RBFOX1: variants seen among roughly 807,000 people sequenced by gnomAD.
RBFOX1 encodes RNA binding protein fox-1 homolog 1.
Under a neutral mutation model 57.7 loss-of-function variants are expected in RBFOX1, and 8 were observed. The ratio of observed to expected loss-of-function variants is 0.14; its 90% CI spans 0.08 to 0.25. The LOEUF (loss-of-function observed/expected upper bound fraction) is 0.25. Ranked by LOEUF, RBFOX1 falls within the 10% of genes least tolerant of loss-of-function variation. The pLI, the probability that RBFOX1 is intolerant of heterozygous loss-of-function variation, is 1.00. For synonymous variants in RBFOX1, 326 were observed against 222.4 expected (o/e 1.47, Z -4.15); for missense variants, 611 against 548.5 (o/e 1.11, Z -1.14).
At chr16:7,161,546 C>G (rs982098283) in intron 4 of RBFOX1, among the ~76,000 whole-genome samples, 1 of 152,128 alleles carries the variant, frequency 6.6e-6, no homozygotes, top group Non-Finnish European at 1.5e-5. Context: ...AAGAGAGGTA[C>G]ATGTCAGTGA....
At chr16:7,316,855 G>A (rs1178270188) in intron 4 of RBFOX1, among the ~76,000 whole-genome samples, 1 of 151,848 alleles carries the variant, frequency 6.6e-6, no homozygotes, top group Non-Finnish European at 1.5e-5. Context: ...AAGGGACCAG[G>A]GAGCCAGTGA....
chr16:6,012,124 T>C (rs2094964770), intron 4 of RBFOX1, among the ~76,000 whole-genome samples: 1 of 152,212 alleles, frequency 6.6e-6, no homozygotes, highest in Admixed American at 6.5e-5. Flanking sequence ...AGAAGAATCA[T>C]CACTGAGCTG....
At chr16:7,333,315 C>G (rs565783593) in intron 4 of RBFOX1, among the ~76,000 whole-genome samples, 2 of 152,172 alleles carry the variant, frequency 1.3e-5, no homozygotes, top group Non-Finnish European at 2.9e-5. Context: ...TTGTATTGAT[C>G]TGACTGCTAT....
At chr16:5,331,830 G>T (rs2064765307) in intron 1 of RBFOX1, among the ~76,000 whole-genome samples, 1 of 152,224 alleles carries the variant, frequency 6.6e-6, no homozygotes, top group Non-Finnish European at 1.5e-5. Context: ...TTGACTCATG[G>T]CTGGTGACCA....
At chr16:7,586,743 T>C (rs1420846403) in intron 6 of RBFOX1, among the ~76,000 whole-genome samples, 2 of 152,246 alleles carry the variant, frequency 1.3e-5, no homozygotes, top group Non-Finnish European at 2.9e-5. Context: ...TGATAGTGCC[T>C]AGATAGTGGA....
chr16:6,859,860 C>G (rs1050087911), intron 3 of RBFOX1, among the ~76,000 whole-genome samples: 3 of 152,136 alleles, frequency 2.0e-5, no homozygotes, highest in Non-Finnish European at 4.4e-5. Context: ...GTATTCAGAG[C>G]TTGCTTTTCC....
chr16:6,454,705 C>A (rs537554194), intron 2 of RBFOX1, among the ~76,000 whole-genome samples: 2 of 152,030 alleles, frequency 1.3e-5, no homozygotes, highest in Non-Finnish European at 2.9e-5. Context: ...GATAGAGTGA[C>A]CTTAGGAAAA....
At chr16:6,220,443 C>T (rs915914977) in intron 1 of RBFOX1, among the ~76,000 whole-genome samples, 2 of 152,166 alleles carry the variant, frequency 1.3e-5, no homozygotes, top group Non-Finnish European at 2.9e-5. Context: ...AGGAATTATA[C>T]TTGGTAATAG....
intron 3 of RBFOX1, among the ~76,000 whole-genome samples, chr16:6,875,919 G>T (rs945101589): frequency 3.5e-4 from 54 of 152,278 alleles, no homozygotes; most frequent in African/African-American, 1.3e-3. Flanking sequence ...GATCACTTGA[G>T]CCGGGGAGGT....
chr16:7,643,680 C>T (rs2063229838), intron 11 of RBFOX1, among the ~76,000 whole-genome samples: 1 of 152,184 alleles, frequency 6.6e-6, no homozygotes, highest in South Asian at 2.1e-4. Flanking sequence ...ACCTCCCCCT[C>T]ACATCGAGAT....
At position 5,248,424 on chromosome 16, in the gene RBFOX1, A is replaced by G. The variant is rs533885010; in HGVS notation, c.219+8319A>G. On this transcript the variant is annotated intron_variant, in intron 1 of 2. Transcript: ENST00000585867. ...CCAGCCCAGATCCCCAGGGCCTCTG[A>G]GAGCCCTGTATTCTGGGGGCAGCCT... 9.7e-4 allele frequency among the ~76,000 whole-genome samples: 148 copies of G among 152,348 alleles called. 2 individuals are homozygous for G. The highest frequency in any genetic ancestry group is 3.4e-3 in the African/African-American group (141 of 41,584).
chr16:5,968,545 A>G (rs928690632), intron 4 of RBFOX1, among the ~76,000 whole-genome samples: 3 of 152,130 alleles, frequency 2.0e-5, no homozygotes, highest in Non-Finnish European at 1.5e-5. Context: ...CTTCAGGCCT[A>G]CAGTGATTCT....
At chr16:5,480,474 T>G (rs2069494470) in intron 2 of RBFOX1, among the ~76,000 whole-genome samples, 1 of 152,164 alleles carries the variant, frequency 6.6e-6, no homozygotes, top group Non-Finnish European at 1.5e-5. Flanking sequence ...ATGAACTCAC[T>G]ACCATAATAA....
chr16:6,742,239 G>A (rs991544066), intron 3 of RBFOX1, among the ~76,000 whole-genome samples: 13 of 151,986 alleles, frequency 8.6e-5, no homozygotes, highest in South Asian at 6.2e-4. Flanking sequence ...GAAAGAATTC[G>A]GCATTACTAG....
At chr16:5,526,352 A>G (rs976828280) in intron 2 of RBFOX1, among the ~76,000 whole-genome samples, 3 of 152,122 alleles carry the variant, frequency 2.0e-5, no homozygotes, top group Non-Finnish European at 2.9e-5. Flanking sequence ...GCAATGGCAC[A>G]ATCTCATCTC....
At chr16:6,413,602 GAGAA>G (rs2093535524) in intron 2 of RBFOX1, among the ~76,000 whole-genome samples, 2 of 152,152 alleles carry the variant, frequency 1.3e-5, no homozygotes, top group African/African-American at 4.8e-5. Flanking sequence ...ACAATTGACA[GAGAA>G]AGAAAGAAAG....
chr16:5,852,534 C>T (rs2056922574), intron 3 of RBFOX1, among the ~76,000 whole-genome samples: 1 of 152,124 alleles, frequency 6.6e-6, no homozygotes, highest in Admixed American at 6.5e-5. Flanking sequence ...GGATGGAGGT[C>T]AATGCATAAC....
intron 2 of RBFOX1, among the ~76,000 whole-genome samples, chr16:6,547,751 G>C (rs777972410): frequency 3.3e-5 from 5 of 151,902 alleles, no homozygotes; most frequent in African/African-American, 4.8e-5. Flanking sequence ...TTTAGACCAG[G>C]GGTCCTTCCT....
chr16:6,787,569 C>T (rs765573520), intron 3 of RBFOX1, among the ~76,000 whole-genome samples: 9 of 152,072 alleles, frequency 5.9e-5, no homozygotes, highest in Non-Finnish European at 8.8e-5. Context: ...CAGATTTAGC[C>T]GTAAATCACC....
Sources: gnomAD v4.1 joint callset for allele counts (sites outside exome capture counted in the v4.1 genomes callset) on GRCh38, gnomAD v4.1.1 for gene constraint, MANE v1.5 for transcripts, NCBI Gene and HGNC (gene_info 2026-07-23, HGNC 2026-07-21) for gene names.